The following PJA2 variants were observed in gnomAD, a reference collection of about 807,000 sequenced individuals.
PJA2 encodes praja ring finger ubiquitin ligase 2.
In PJA2, 25 loss-of-function variants were observed where a neutral mutation model predicts 69.3. The observed-to-expected ratio is 0.36, with a 90% confidence interval of 0.26 to 0.50. The LOEUF (loss-of-function observed/expected upper bound fraction) is 0.50, where lower values mean the gene tolerates loss of function less well. Among genes scored for constraint, PJA2 ranks in the 20% least tolerant of loss-of-function variants. PJA2 has a pLI of 0.96. For missense variants in PJA2, 809 were observed against 830.2 expected, an observed-to-expected ratio of 0.97 and a Z score of 0.31; for synonymous variants, 308 against 277.8, an observed-to-expected ratio of 1.11 and a Z score of -1.08.
chr5:109,392,281 C>T (rs2127013335), intron 1 of PJA2, among the ~76,000 whole-genome samples: 1 of 152,136 alleles, frequency 6.6e-6, no homozygotes, highest in African/African-American at 2.4e-5. Flanking sequence ...GTCAAACAGA[C>T]CGGGCATGGT....
chr5:109,355,738 C>T (rs1762402283), intron 7 of PJA2, among the ~76,000 whole-genome samples, 177 bp downstream of exon 7: 2 of 152,168 alleles, frequency 1.3e-5, no homozygotes, highest in Non-Finnish European at 2.9e-5. Context: ...GGCAAACTAG[C>T]AGGACATCAA....
Position 109,362,904 on chromosome 5 carries a change from A to C in PJA2, c.1588T>G (p.Leu530Val), listed in dbSNP as rs759828021. 1 of 1,613,658 alleles carries C rather than the reference A, an allele frequency of 6.2e-7. No homozygotes were observed. The highest frequency in any genetic ancestry group is 8.5e-7 in the Non-Finnish European group (1 of 1,179,792). The stretch of plus-strand genomic sequence containing the variant: ...TCCTCCAGGTTATTGTTACCATCCA[A>C]CATGAAAGCTGGCTGTGCAAATTCA... ...ANEFAQPAFM[L>V]DGNNNLEDDS... Residue 530 changes from leucine (L) to valine (V), a missense_variant, in exon 6 of 10, where the codon TTG becomes GTG. Leu to Val is a conservative substitution (Grantham distance 32). Around this residue, in one of 4 missense-constraint regions of PJA2, gnomAD observed 700 missense variants for 639.5 expected, o/e 1.09. Transcript: ENST00000361189.
At chr5:109,394,125 G>C (rs950720176) in intron 1 of PJA2, among the ~76,000 whole-genome samples, 1 of 133,222 alleles carries the variant, frequency 7.5e-6, no homozygotes, top group African/African-American at 2.8e-5. Flanking sequence ...TTGGCTCACT[G>C]CAACATCCGC....
chr5:109,397,174 A>C (rs1469939124), intron 1 of PJA2, among the ~76,000 whole-genome samples: 1 of 152,168 alleles, frequency 6.6e-6, no homozygotes. Context: ...CTCACCAAAC[A>C]CTAAACCCAC....
At position 109,336,733 on chromosome 5, in the gene PJA2, A is replaced by G. The variant is rs1051826455; in HGVS notation, c.*498T>C. 6.6e-6 allele frequency: 1 copy of G among 152,178 alleles called. No individual in the cohort carries two copies. Among genetic ancestry groups the G allele is most frequent in the Non-Finnish European group, 1.5e-5 (1 of 68,032 alleles). 9.4% of individuals were successfully genotyped at this position (152,178 alleles called of 1,614,324 possible). ...TAAACAAAAATGGACTTTCTGAAAA[A>G]TTTCTCAGCATATGAACCAAGAGGT... On this transcript the variant is annotated 3_prime_UTR_variant, in exon 10 of 10. Coordinates refer to ENST00000361189, the MANE Select transcript of PJA2 (RefSeq NM_014819.5).
intron 4 of PJA2, among the ~76,000 whole-genome samples, chr5:109,374,318 G>A (rs1390519956): frequency 6.6e-6 from 1 of 152,110 alleles, no homozygotes; most frequent in African/African-American, 2.4e-5. Context: ...AAGATAAAAA[G>A]GTTTGCTAAA....
chr5:109,406,989 TTTATAGCAAGAA>T (rs1747705001), intron 1 of PJA2, among the ~76,000 whole-genome samples: 1 of 152,144 alleles, frequency 6.6e-6, no homozygotes, highest in Non-Finnish European at 1.5e-5. Flanking sequence ...ATGATACCAA[TTTATAGCAAGAA>T]AAAGATGATA....
chr5:109,409,658 G>A (rs1335527220), intron 1 of PJA2, among the ~76,000 whole-genome samples, 184 bp downstream of exon 1: 1 of 151,942 alleles, frequency 6.6e-6, no homozygotes, highest in Non-Finnish European at 1.5e-5. Flanking sequence ...AGGCGAAGAA[G>A]GCCTCCCACA....
intron 3 of PJA2, 36 bp downstream of exon 3, chr5:109,381,467 C>A: frequency 7.0e-6 from 11 of 1,560,476 alleles, no homozygotes; most frequent in Non-Finnish European, 9.6e-6. Flanking sequence ...TCCTATATAA[C>A]TATTAATAAC....
At chr5:109,340,645 TCCCCCTCCCCCTCCCC>T (rs1561338680) in intron 9 of PJA2, among the ~76,000 whole-genome samples, 4 of 390 alleles carry the variant, frequency 0.01, 1 homozygote, top group African/African-American at 0.021. Context: ...CCCCTCCCCC[TCCCCCTCCCCCTCCCC>T]CTCCCCCTCC....
At chr5:109,407,052 C>A (rs2127021423) in intron 1 of PJA2, among the ~76,000 whole-genome samples, 1 of 152,232 alleles carries the variant, frequency 6.6e-6, no homozygotes, top group South Asian at 2.1e-4. Flanking sequence ...TGATTGACTG[C>A]AAAAGGGAAC....
chr5:109,368,636 T>C lies in PJA2; in HGVS notation c.1394A>G (p.Asp465Gly), dbSNP rs1162883976. The change falls in exon 5 of 10, where the codon GAT (aspartate) becomes GGT (glycine). Residue 465 changes from aspartate to glycine, a missense_variant. This residue lies in a region of PJA2 where 700 missense variants were observed against 639.5 expected (regional missense o/e 1.09). Coordinates refer to ENST00000361189, the MANE Select transcript of PJA2 (RefSeq NM_014819.5). ...DESWETLPGK[D>G]ENEPELQSDS... is the part of the protein sequence containing the mutation. Reference sequence around the variant, plus strand: ...ACTTTGTAGCTCAGGTTCATTCTCATCTTTTCCTGGCAGAGTCTCCCAGCT... The same window carrying C: ...ACTTTGTAGCTCAGGTTCATTCTCACCTTTTCCTGGCAGAGTCTCCCAGCT... The C allele has an allele frequency of 2.5e-6, 4 of 1,614,180 alleles. No individual in the cohort carries two copies. The highest frequency in any genetic ancestry group is 3.4e-6 in the Non-Finnish European group (4 of 1,180,032).
chr5:109,402,337 A>T (rs1747573117), intron 1 of PJA2, among the ~76,000 whole-genome samples: 1 of 152,204 alleles, frequency 6.6e-6, no homozygotes, highest in Non-Finnish European at 1.5e-5. Flanking sequence ...AAGACAGATT[A>T]AATGGATGGA....
At chr5:109,368,344 G>A (rs1440525358) in intron 5 of PJA2, among the ~76,000 whole-genome samples, 1 of 152,142 alleles carries the variant, frequency 6.6e-6, no homozygotes, top group Non-Finnish European at 1.5e-5. Flanking sequence ...GCCAAGTGGA[G>A]ACATATATTG....
rs545094615 is a variant in PJA2, at chr5:109,374,893, T to C, written c.1283+3311A>G. ...CAAGATCTTGTCCTCAAACAGTTAC[T>C]AAACTTCTCAGGGTATATTTCAAAA... is the stretch of plus-strand genomic sequence containing the variant. On this transcript the variant is annotated intron_variant, in intron 4 of 9. Coordinates refer to ENST00000361189, the MANE Select transcript of PJA2 (RefSeq NM_014819.5). Among the ~76,000 whole-genome samples the C allele has an allele frequency of 1.4e-4, 22 of 152,288 alleles. No individual in the cohort carries two copies. The South Asian group carries it at 3.7e-3, about 26-fold the overall frequency.
At chr5:109,357,260 C>G (rs1446890355) in intron 6 of PJA2, among the ~76,000 whole-genome samples, 1 of 150,964 alleles carries the variant, frequency 6.6e-6, no homozygotes, top group African/African-American at 2.4e-5. Flanking sequence ...CTTCCATATC[C>G]TATTTGAATA....
At position 109,381,640 on chromosome 5, in the gene PJA2, G is replaced by A; in HGVS notation, c.95C>T (p.Thr32Ile). The A allele has an allele frequency of 1.2e-6, 2 of 1,613,958 alleles. No individual in the cohort carries two copies. Among genetic ancestry groups the A allele is most frequent in the Non-Finnish European group, 1.7e-6 (2 of 1,180,010 alleles). The change falls in exon 3 of 10, where the codon ACA becomes ATA. Residue 32 changes from threonine to isoleucine, a missense_variant. Around this residue, in one of 4 missense-constraint regions of PJA2, gnomAD observed 700 missense variants for 639.5 expected, o/e 1.09. Coordinates refer to ENST00000361189, the MANE Select transcript of PJA2 (RefSeq NM_014819.5). ...ATGTCTTCTTCCATATCTCCTGCCT[G>A]TAATTGTCTGATACCCTCCTGCTGG... Reference protein sequence around the residue: ...PKPAGGYQTITGRRYGRRHAY... With the variant: ...PKPAGGYQTIIGRRYGRRHAY...
At chr5:109,386,394 T>C (rs2127010345) in intron 1 of PJA2, among the ~76,000 whole-genome samples, 1 of 152,254 alleles carries the variant, frequency 6.6e-6, no homozygotes, top group East Asian at 1.9e-4. Context: ...AAATGCCTGA[T>C]AGGAATGCTA....
intron 1 of PJA2, among the ~76,000 whole-genome samples, chr5:109,384,393 T>C (rs1353804332): frequency 1.3e-5 from 2 of 152,226 alleles, no homozygotes; most frequent in Non-Finnish European, 1.5e-5. Flanking sequence ...AAAACTACAA[T>C]TTATCATGGA....
Sources: gnomAD v4.1 joint callset for allele counts (sites outside exome capture counted in the v4.1 genomes callset) on GRCh38, gnomAD v4.1.1 for gene constraint, gnomAD v4.1.1 regional missense constraint, MANE v1.5 for transcripts, NCBI Gene and HGNC (gene_info 2026-07-23, HGNC 2026-07-21) for gene names.